Variants in BRIP1 observed in about 807,000 individuals in gnomAD.
BRIP1 encodes Fanconi anemia group J protein.
Under a neutral mutation model 119.7 loss-of-function variants are expected in BRIP1, and 88 were observed. The observed-to-expected ratio is 0.74, with a 90% confidence interval of 0.62 to 0.88. The LOEUF (loss-of-function observed/expected upper bound fraction) is 0.88, where lower values mean the gene tolerates loss of function less well. Among genes scored for constraint, BRIP1 ranks in the 40% least tolerant of loss-of-function variants. The pLI is 0.00. For missense variants in BRIP1, 1,259 were observed against 1,455.4 expected (o/e 0.87, Z 2.20); for synonymous variants, 443 against 496.5 (o/e 0.89, Z 1.43).
Position 61,716,491 on chromosome 17 carries a change from T to C in BRIP1, c.2380-428A>G, listed in dbSNP as rs1158054480. 2.6e-5 allele frequency among the ~76,000 whole-genome samples: 4 copies of C among 152,252 alleles called. No homozygotes were observed. In the East Asian group the frequency reaches 7.7e-4, roughly 29 times the overall value. On this transcript the variant is annotated intron_variant, in intron 16 of 19. Transcript: ENST00000259008. Reference sequence around the variant, plus strand: ...GATCTGCTTTCTGTTTTGCCCTTTATAGAATTTCATATAAATATTATCATA... The same window carrying C: ...GATCTGCTTTCTGTTTTGCCCTTTACAGAATTTCATATAAATATTATCATA...
In BRIP1 at chr17:61,716,049, T is replaced by A. The variant is rs540236878; in HGVS notation, c.2394A>T (p.Arg798=). ...NVKDLQVELK[R]QYNDHHSKLR... is the part of the protein sequence containing the mutation. ...ATTTTGAATGGTGGTCATTGTATTG[T>A]CGTTTTAGTTCAACCTAATAATTTT... The change falls in exon 17 of 20, where the codon CGA becomes CGT. Residue 798 remains arginine, a synonymous_variant. Coordinates refer to ENST00000259008, the MANE Select transcript of BRIP1 (RefSeq NM_032043.3). The A allele has an allele frequency of 6.3e-7, 1 of 1,593,712 alleles. No homozygotes were observed. The highest frequency in any genetic ancestry group is 2.3e-5 in the East Asian group (1 of 44,302).
chr17:61,684,176 G>A lies in BRIP1; in HGVS notation c.2906-36C>T, dbSNP rs2144095282. The A allele has an allele frequency of 6.2e-7, 1 of 1,603,620 alleles. No individual in the cohort carries two copies. The highest frequency in any genetic ancestry group is 8.5e-7 in the Non-Finnish European group (1 of 1,172,658). On this transcript the variant is annotated intron_variant, in intron 19 of 19. Transcript: ENST00000259008. This position sits in a 1 kb window ranked among gnomAD's most constrained non-coding sequence, Gnocchi z 4.5. The stretch of plus-strand genomic sequence containing the variant: ...AAGAATTTAAGAGATTTAACTTTCT[G>A]CTCCTAGCTAACATAATTGCTAGGT...
In BRIP1 at chr17:61,757,981, G is replaced by A. The variant is rs1462423939; in HGVS notation, c.2098-13390C>T. 6.6e-6 allele frequency among the ~76,000 whole-genome samples: 1 copy of A among 150,786 alleles called. No individual in the cohort carries two copies. The highest frequency in any genetic ancestry group is 2.4e-5 in the African/African-American group (1 of 40,998). ...CACATTCTAGCCTGGGCAACAGAATGAGACACTGTCTTGAAAAAAAAAAAG... is the reference window on the plus strand; with the variant it reads ...CACATTCTAGCCTGGGCAACAGAATAAGACACTGTCTTGAAAAAAAAAAAG... On this transcript the variant is annotated intron_variant, in intron 14 of 19. Transcript: ENST00000259008. The surrounding 1 kb of genome is among the most constrained non-coding windows in gnomAD (Gnocchi z 4.3).
chr17:61,684,259 C>T lies in BRIP1; in HGVS notation c.2906-119G>A. The T allele has an allele frequency of 8.7e-7, 1 of 1,154,458 alleles. No individual in the cohort carries two copies. Among genetic ancestry groups the T allele is most frequent in the Admixed American group, 2.7e-5 (1 of 36,950 alleles). The allele number at this position is 1,154,458 out of a possible 1,614,324, so 71.5% of individuals were successfully genotyped here. A position where few individuals can be genotyped will look rare whatever the true frequency, so the allele number is the denominator to read the frequency against. On this transcript the variant is annotated intron_variant, in intron 19 of 19. Coordinates refer to ENST00000259008, the MANE Select transcript of BRIP1 (RefSeq NM_032043.3). The surrounding 1 kb of genome is among the most constrained non-coding windows in gnomAD (Gnocchi z 4.5). ...ACTGTATAGGATACATAACTTAGAG[C>T]CCCCAACGAATACTAGTGGATTTTC...
Position 61,720,782 on chromosome 17 carries a change from C to T in BRIP1, c.2380-4719G>A, listed in dbSNP as rs1175865139. ...CTCTATTTTACTTAATAATACTTTA[C>T]TAAATTGTAAACCTACTCAAGAAAA... On this transcript the variant is annotated intron_variant, in intron 16 of 19. Coordinates refer to ENST00000259008, the MANE Select transcript of BRIP1 (RefSeq NM_032043.3). The surrounding 1 kb of genome is among the most constrained non-coding windows in gnomAD (Gnocchi z 4.3). Among the ~76,000 whole-genome samples the T allele has an allele frequency of 6.6e-6, 1 of 152,124 alleles. No homozygotes were observed. Among genetic ancestry groups the T allele is most frequent in the African/African-American group, 2.4e-5 (1 of 41,422 alleles).
chr17:61,683,270 T>C lies in BRIP1; in HGVS notation c.*26A>G. On this transcript the variant is annotated 3_prime_UTR_variant, in exon 20 of 20. Coordinates refer to ENST00000259008, the MANE Select transcript of BRIP1 (RefSeq NM_032043.3). This position sits in a 1 kb window ranked among gnomAD's most constrained non-coding sequence, Gnocchi z 4.7. ...TTAACATAAGCATGATGACATATTT[T>C]TACTTAGCTTGAGAGTTAAGTATTA... 6.3e-7 allele frequency: 1 copy of C among 1,590,088 alleles called. No homozygotes were observed. The highest frequency in any genetic ancestry group is 1.7e-5 in the Admixed American group (1 of 59,432).
intron 6 of BRIP1, among the ~76,000 whole-genome samples, chr17:61,817,778 C>T (rs2078258891): frequency 6.6e-6 from 1 of 152,108 alleles, no homozygotes; most frequent in African/African-American, 2.4e-5. Context: ...ATTGCAGGTG[C>T]ATTGTATGTG....
chr17:61,849,096 C>A (rs2145760274), intron 5 of BRIP1, 33 bp downstream of exon 5: 1 of 1,611,886 alleles, frequency 6.2e-7, no homozygotes, highest in East Asian at 2.2e-5. Flanking sequence ...CTGTAACTAA[C>A]TGGGTTATTT....
chr17:61,766,509 A>G (rs998317611), intron 14 of BRIP1, among the ~76,000 whole-genome samples: 9 of 149,906 alleles, frequency 6.0e-5, no homozygotes, highest in Non-Finnish European at 8.9e-5. Context: ...ACACGAGGGG[A>G]AAAAAAACAC....
chr17:61,832,434 T>C lies in BRIP1; in HGVS notation c.627+14667A>G, dbSNP rs1330883033. Among the ~76,000 whole-genome samples the C allele has an allele frequency of 6.6e-6, 1 of 152,222 alleles. No homozygotes were observed. The highest frequency in any genetic ancestry group is 1.5e-5 in the Non-Finnish European group (1 of 68,040). On this transcript the variant is annotated intron_variant, in intron 6 of 19. Coordinates refer to ENST00000259008, the MANE Select transcript of BRIP1 (RefSeq NM_032043.3). This position sits in a 1 kb window ranked among gnomAD's most constrained non-coding sequence, Gnocchi z 5.5. ...TCTTTTATAAAGGCAAAAAGATAAC[T>C]GTAAAGTTATATTTTTTACCTAGCA...
chr17:61,791,280 G>T (rs943897052), intron 10 of BRIP1, among the ~76,000 whole-genome samples: 6 of 151,858 alleles, frequency 4.0e-5, no homozygotes, highest in African/African-American at 1.5e-4. Flanking sequence ...CTTGAGGTCA[G>T]GAGTTTGACA....
rs780884579 is a variant in BRIP1, at chr17:61,726,338, G to A, written c.2380-10275C>T. ...CATCAGATACTAGAGGTAAGTGGAC[G>A]AGAAAGTCATTACTTACCCCATATT... is the stretch of plus-strand genomic sequence containing the variant. On this transcript the variant is annotated intron_variant, in intron 16 of 19. Transcript: ENST00000259008. The surrounding 1 kb of genome is among the most constrained non-coding windows in gnomAD (Gnocchi z 6.2). 3.9e-5 allele frequency among the ~76,000 whole-genome samples: 6 copies of A among 152,302 alleles called. No individual in the cohort carries two copies. The highest frequency in any genetic ancestry group is 7.2e-5 in the African/African-American group (3 of 41,554).
chr17:61,787,377 T>A (rs1295984670), intron 10 of BRIP1, among the ~76,000 whole-genome samples: 1 of 97,360 alleles, frequency 1.0e-5, no homozygotes, highest in East Asian at 3.1e-4. Context: ...TATATAGTTA[T>A]ATACTATATA....
rs2061273034 is a variant in BRIP1, at chr17:61,681,710, T to C, written c.*1586A>G. ...ATGGGATCTAATATATTCTAAATTC[T>C]TTAACTGGTAACTTGTCAATTTAAA... On this transcript the variant is annotated 3_prime_UTR_variant, in exon 20 of 20. Transcript: ENST00000259008. This position sits in a 1 kb window ranked among gnomAD's most constrained non-coding sequence, Gnocchi z 5.1. 5.1e-6 allele frequency: 1 copy of C among 198,008 alleles called. No homozygotes were observed. 12.3% of individuals were successfully genotyped at this position (198,008 alleles called of 1,614,324 possible). A position where few individuals can be genotyped will look rare whatever the true frequency, so the allele number is the denominator to read the frequency against.
Position 61,780,486 on chromosome 17 carries a change from G to A in BRIP1, c.1795-85C>T. On this transcript the variant is annotated intron_variant, in intron 12 of 19. Transcript: ENST00000259008. The surrounding 1 kb of genome is among the most constrained non-coding windows in gnomAD (Gnocchi z 5.4). ...CTCACACCTGTAATCCCAGCACTTT[G>A]GGAGGCTGAAGCAGGAAGATCGCTT... is the stretch of plus-strand genomic sequence containing the variant. The A allele has an allele frequency of 8.1e-7, 1 of 1,239,446 alleles. No homozygotes were observed. Among genetic ancestry groups the A allele is most frequent in the Admixed American group, 1.7e-5 (1 of 58,332 alleles). 76.8% of individuals were successfully genotyped at this position (1,239,446 alleles called of 1,614,324 possible). A position where few individuals can be genotyped will look rare whatever the true frequency, so the allele number is the denominator to read the frequency against.
In BRIP1 at chr17:61,691,998, G is replaced by T. The variant is rs2061454291; in HGVS notation, c.2575+1432C>A. On this transcript the variant is annotated intron_variant, in intron 18 of 19. Coordinates refer to ENST00000259008, the MANE Select transcript of BRIP1 (RefSeq NM_032043.3). This position sits in a 1 kb window ranked among gnomAD's most constrained non-coding sequence, Gnocchi z 5.0. Reference sequence around the variant, plus strand: ...CTTCAACAGGGTGTCATTGGGGATTGATATGCTTTGGTTATTTGTTTCCTC... The same window carrying T: ...CTTCAACAGGGTGTCATTGGGGATTTATATGCTTTGGTTATTTGTTTCCTC... Among the ~76,000 whole-genome samples, 1 of 151,954 alleles carries T rather than the reference G, an allele frequency of 6.6e-6. No individual in the cohort carries two copies. Among genetic ancestry groups the T allele is most frequent in the African/African-American group, 2.4e-5 (1 of 41,430 alleles).
chr17:61,751,400 G>A lies in BRIP1; in HGVS notation c.2098-6809C>T, dbSNP rs151250728. Among the ~76,000 whole-genome samples, 22 of 152,214 alleles carry A rather than the reference G, an allele frequency of 1.4e-4. No homozygotes were observed. In the East Asian group the frequency reaches 3.9e-3, roughly 27 times the overall value. On this transcript the variant is annotated intron_variant, in intron 14 of 19. Transcript: ENST00000259008. This position sits in a 1 kb window ranked among gnomAD's most constrained non-coding sequence, Gnocchi z 6.7. ...GGGATGATTGAAAAGTTTTGGAAAG[G>A]GATACTGGTGATGGTTGTACAACAT...
chr17:61,812,473 G>C (rs1235513882), intron 6 of BRIP1, among the ~76,000 whole-genome samples: 5 of 151,770 alleles, frequency 3.3e-5, no homozygotes, highest in African/African-American at 1.2e-4. Context: ...CCTGTAAGTG[G>C]CTACACAGTG....
At position 61,768,382 on chromosome 17, in the gene BRIP1, C is replaced by T. The variant is rs1006123458; in HGVS notation, c.2097+8019G>A. Among the ~76,000 whole-genome samples the T allele has an allele frequency of 3.3e-5, 5 of 152,090 alleles. No individual in the cohort carries two copies. Among genetic ancestry groups the T allele is most frequent in the Admixed American group, 6.6e-5 (1 of 15,264 alleles). The stretch of plus-strand genomic sequence containing the variant: ...TATGGAATTAGGCTGTATTGCTCTA[C>T]GGGAAATCACAGGAATTTTAGTTTG... On this transcript the variant is annotated intron_variant, in intron 14 of 19. Transcript: ENST00000259008. This position sits in a 1 kb window ranked among gnomAD's most constrained non-coding sequence, Gnocchi z 5.0.
Sources: allele counts gnomAD v4.1 joint callset (sites outside exome capture counted in the v4.1 genomes callset), GRCh38; gene constraint gnomAD v4.1.1; non-coding constraint Gnocchi (gnomAD v3.1); transcripts MANE v1.5; gene names NCBI Gene and HGNC (gene_info 2026-07-23, HGNC 2026-07-21).